TSC22D3: variants seen among roughly 807,000 people sequenced by gnomAD.
TSC22D3 encodes the protein TSC22 domain family member 3, also known as TSC22 domain family protein 3.
In TSC22D3, 4 loss-of-function variants were observed where a neutral mutation model predicts 11.1. That is an observed-to-expected ratio of 0.36 (90% confidence interval 0.18 to 0.83). The LOEUF is 0.83. Ranked by LOEUF, TSC22D3 falls within the 40% of genes least tolerant of loss-of-function variation. The pLI, the probability that TSC22D3 is intolerant of heterozygous loss-of-function variation, is 0.48. For synonymous variants in TSC22D3, 77 were observed against 70.3 expected (o/e 1.10, Z -0.48); for missense variants, 118 against 159.4 (o/e 0.74, Z 1.40).
chrX:107,738,304 C>T (rs1928235218), intron 1 of TSC22D3, among the ~76,000 whole-genome samples: 1 of 112,885 alleles, frequency 8.9e-6, no homozygotes, highest in Non-Finnish European at 1.9e-5. Context: ...TGGTTAAACA[C>T]CCCATCCCTA....
chrX:107,752,678 C>A (rs1928985452), intron 1 of TSC22D3, among the ~76,000 whole-genome samples: 1 of 111,232 alleles, frequency 9.0e-6, no homozygotes, highest in African/African-American at 3.3e-5. Flanking sequence ...AGTCCCTTTG[C>A]GTTGGAGAGG....
intron 1 of TSC22D3, among the ~76,000 whole-genome samples, chrX:107,723,411 C>A (rs781769263): frequency 8.9e-6 from 1 of 112,537 alleles, no homozygotes; most frequent in Non-Finnish European, 1.9e-5. Context: ...GCCAACTTCT[C>A]GATCTTTGTC....
At chrX:107,760,038 A>G (rs1250595480) in intron 1 of TSC22D3, among the ~76,000 whole-genome samples, 1 of 112,792 alleles carries the variant, frequency 8.9e-6, no homozygotes, top group Non-Finnish European at 1.9e-5. Flanking sequence ...TAACTCCCAG[A>G]CTGAAGGGGA....
At chrX:107,741,642 C>A (rs913506037) in intron 1 of TSC22D3, among the ~76,000 whole-genome samples, 58 of 112,683 alleles carry the variant, frequency 5.1e-4, no homozygotes, top group East Asian at 3.6e-3. Flanking sequence ...GAAGCGCCCA[C>A]AACGCAGCAG....
chrX:107,735,667 T>C (rs995628132), intron 1 of TSC22D3, among the ~76,000 whole-genome samples: 10 of 109,992 alleles, frequency 9.1e-5, no homozygotes, highest in African/African-American at 3.3e-4. Flanking sequence ...CAATCACCCC[T>C]CTGAGATGAC....
intron 1 of TSC22D3, among the ~76,000 whole-genome samples, chrX:107,756,588 G>C (rs1487653070): frequency 1.8e-5 from 2 of 112,101 alleles, no homozygotes; most frequent in East Asian, 5.6e-4. Context: ...TGCTGCAAAT[G>C]GCCAGGATAC....
intron 1 of TSC22D3, among the ~76,000 whole-genome samples, chrX:107,723,365 A>G (rs751694165): frequency 5.3e-5 from 6 of 112,516 alleles, no homozygotes; most frequent in Non-Finnish European, 1.1e-4. Flanking sequence ...TCTTCCAAGA[A>G]GGTGGTCTTT....
chrX:107,770,351 T>C (rs112460622), intron 1 of TSC22D3, among the ~76,000 whole-genome samples: 6,111 of 109,787 alleles, frequency 0.056, 419 homozygotes, highest in African/African-American at 0.2. Context: ...TCCAGGAATA[T>C]ACATTATGAA....
In TSC22D3 at chrX:107,748,972, T is replaced by C. The variant is rs191125697; in HGVS notation, c.320+26128A>G. On this transcript the variant is annotated intron_variant, in intron 1 of 2. Transcript: ENST00000372383. The stretch of plus-strand genomic sequence containing the variant: ...AGCCAGCTTGTAGTAGGGACAGTTA[T>C]TTGCTTAGCATCCTCCCCTACTGGA... 5.4e-5 allele frequency among the ~76,000 whole-genome samples: 6 copies of C among 111,393 alleles called. No individual in the cohort carries two copies. The East Asian group carries it at 1.4e-3, about 26-fold the overall frequency.
chrX:107,750,021 T>A (rs1569452566), intron 1 of TSC22D3, among the ~76,000 whole-genome samples: 22 of 111,686 alleles, frequency 2.0e-4, no homozygotes, highest in Admixed American at 6.6e-4. Context: ...CATGGTGGCA[T>A]GTGCCTGTAG....
intron 1 of TSC22D3, among the ~76,000 whole-genome samples, chrX:107,740,537 G>A (rs750540381): frequency 1.8e-5 from 2 of 110,370 alleles, no homozygotes; most frequent in African/African-American, 3.3e-5. Context: ...AGCCAAGATC[G>A]TGCCACTGCA....
At chrX:107,767,176 TAGA>T (rs1415624034) in intron 1 of TSC22D3, among the ~76,000 whole-genome samples, 4 of 112,098 alleles carry the variant, frequency 3.6e-5, no homozygotes, top group African/African-American at 1.3e-4. Context: ...AAGAGAAGAT[TAGA>T]AGAAGTGGGT....
chrX:107,759,134 G>A (rs1929314915), intron 1 of TSC22D3, among the ~76,000 whole-genome samples: 1 of 111,359 alleles, frequency 9.0e-6, no homozygotes, highest in Admixed American at 9.5e-5. Context: ...CTAAAGTGCT[G>A]GGATTACAGA....
intron 1 of TSC22D3, among the ~76,000 whole-genome samples, chrX:107,763,415 C>A (rs892054948): frequency 7.2e-5 from 8 of 111,229 alleles, no homozygotes; most frequent in Non-Finnish European, 1.5e-4. Context: ...TGATACCCAC[C>A]ATTTGAGAGA....
chrX:107,738,622 T>C (rs1342716953), intron 1 of TSC22D3, among the ~76,000 whole-genome samples: 1 of 113,201 alleles, frequency 8.8e-6, no homozygotes, highest in African/African-American at 3.2e-5. Context: ...CAGTTGGCAG[T>C]TCAGCCATAT....
intron 1 of TSC22D3, among the ~76,000 whole-genome samples, chrX:107,761,515 C>A (rs1242934072): frequency 8.9e-6 from 1 of 112,578 alleles, no homozygotes; most frequent in Non-Finnish European, 1.9e-5. Context: ...ATTTCAAGTG[C>A]AATTTTCACG....
intron 1 of TSC22D3, among the ~76,000 whole-genome samples, chrX:107,740,047 T>C (rs904699836): frequency 8.9e-6 from 1 of 112,170 alleles, no homozygotes; most frequent in Non-Finnish European, 1.9e-5. Context: ...CAATCAACTT[T>C]CTCCAGACTC....
chrX:107,763,703 C>A (rs1051220057), intron 1 of TSC22D3, among the ~76,000 whole-genome samples: 1 of 112,146 alleles, frequency 8.9e-6, no homozygotes, highest in Admixed American at 9.4e-5. Context: ...CCCCCCATTT[C>A]TTTTTCCTTT....
rs906035878 is a variant in TSC22D3, at chrX:107,732,051, G to A, written c.321-16101C>T. Among the ~76,000 whole-genome samples, 8 of 111,483 alleles carry A rather than the reference G, an allele frequency of 7.2e-5. 1 individual carries two copies. The Middle Eastern group carries it at 0.018, about 255-fold the overall frequency. On this transcript the variant is annotated intron_variant, in intron 1 of 2. Coordinates refer to ENST00000372383, the MANE Select transcript of TSC22D3 (RefSeq NM_198057.3). The stretch of plus-strand genomic sequence containing the variant: ...GACTCAAGGTCAGGAGCTGGAATGG[G>A]GCCCAGAGCTCTCAAGCCTCTGCTC...
Sources: gnomAD v4.1 joint callset for allele counts (sites outside exome capture counted in the v4.1 genomes callset) on GRCh38, gnomAD v4.1.1 for gene constraint, MANE v1.5 for transcripts, NCBI Gene and HGNC (gene_info 2026-07-23, HGNC 2026-07-21) for gene names.